Variants in MID2 observed in about 807,000 individuals in gnomAD.
MID2 encodes the protein probable E3 ubiquitin-protein ligase MID2.
MID2 carries 13 observed loss-of-function variants against 46.1 expected under a neutral mutation model. The observed-to-expected ratio is 0.28, with a 90% CI of 0.18 to 0.45. The LOEUF is 0.45. Ranked by LOEUF, MID2 falls within the 20% of genes least tolerant of loss-of-function variation. The pLI is 1.00. For synonymous variants in MID2, 199 were observed against 212.3 expected (o/e 0.94, Z 0.55); for missense variants, 431 against 575.4 (o/e 0.75, Z 2.57).
chrX:107,840,295 A>C (rs1307585049), intron 1 of MID2, among the ~76,000 whole-genome samples: 2 of 112,038 alleles, frequency 1.8e-5, no homozygotes, highest in African/African-American at 6.5e-5. Context: ...ACAATATTGG[A>C]GAATAGAGAT....
rs763648893 is a variant in MID2 at position 107,868,047 on chromosome X, T to C, written c.816+13343T>C. ...GAATTGTTCTAAAATTGGATTGTGG[T>C]AATGGTTACAAAATTCTGTAAATTT... On this transcript the variant is annotated intron_variant, in intron 3 of 9. Transcript: ENST00000262843. Among the ~76,000 whole-genome samples, 4 of 112,189 alleles carry C rather than the reference T, an allele frequency of 3.6e-5. No homozygotes were observed. In the East Asian group the frequency reaches 1.1e-3, roughly 31 times the overall value.
intron 7 of MID2, among the ~76,000 whole-genome samples, chrX:107,920,600 G>T (rs1224698121): frequency 9.0e-6 from 1 of 111,683 alleles, no homozygotes; most frequent in Non-Finnish European, 1.9e-5. Context: ...CAGGTTCAGG[G>T]ATTTCCATAT....
rs1241146959 is a variant in MID2 at position 107,830,631 on chromosome X, A to G, written c.4+4201A>G. Among the ~76,000 whole-genome samples the G allele has an allele frequency of 2.7e-5, 3 of 112,213 alleles. No homozygotes were observed. In the Admixed American group the frequency reaches 2.8e-4, roughly 11 times the overall value. On this transcript the variant is annotated intron_variant, in intron 1 of 9. Coordinates refer to ENST00000262843, the MANE Select transcript of MID2 (RefSeq NM_012216.4). ...GGTACCAAGATGGTGTTGCACTAAC[A>G]TCTGTACTTCAGGTCTCTCAAAAAA...
intron 3 of MID2, among the ~76,000 whole-genome samples, chrX:107,886,240 A>G (rs1347536494): frequency 8.9e-6 from 1 of 111,886 alleles, no homozygotes; most frequent in Non-Finnish European, 1.9e-5. Context: ...TTCTTCTAGG[A>G]GTTTTATGCT....
intron 6 of MID2, among the ~76,000 whole-genome samples, chrX:107,916,431 A>G (rs1456476232): frequency 8.9e-6 from 1 of 112,286 alleles, no homozygotes; most frequent in African/African-American, 3.2e-5. Flanking sequence ...GTTGCTAGTT[A>G]TGAGAGTAGA....
At chrX:107,845,525 A>ACACTCTCTCTCT (rs1276957001) in intron 2 of MID2, among the ~76,000 whole-genome samples, 33 of 72,946 alleles carry the variant, frequency 4.5e-4, no homozygotes, top group African/African-American at 2.3e-3. Context: ...ACACACACAC[A>ACACTCTCTCTCT]CTCTCTCTCT....
chrX:107,892,855 A>G (rs1932633070), intron 3 of MID2, among the ~76,000 whole-genome samples: 2 of 112,238 alleles, frequency 1.8e-5, no homozygotes, highest in African/African-American at 6.5e-5. Flanking sequence ...GCACCCAAAG[A>G]TTATCCTTTT....
chrX:107,841,691 C>A (rs939723181), intron 2 of MID2, among the ~76,000 whole-genome samples: 8 of 112,445 alleles, frequency 7.1e-5, no homozygotes, highest in Admixed American at 6.6e-4. Flanking sequence ...TATTATATAT[C>A]TTTGCTATGA....
intron 3 of MID2, among the ~76,000 whole-genome samples, chrX:107,881,968 A>G (rs1268986804): frequency 8.9e-6 from 1 of 112,454 alleles, no homozygotes; most frequent in Non-Finnish European, 1.9e-5. Flanking sequence ...GCCTCAGCAG[A>G]CAGTAACCAA....
At chrX:107,865,496 G>T (rs747510850) in intron 3 of MID2, among the ~76,000 whole-genome samples, 2 of 112,142 alleles carry the variant, frequency 1.8e-5, no homozygotes, top group South Asian at 3.8e-4. Flanking sequence ...AAGGATATAT[G>T]CCCAGTGAGA....
At chrX:107,874,020 C>T (rs914512120) in intron 3 of MID2, among the ~76,000 whole-genome samples, 3 of 111,667 alleles carry the variant, frequency 2.7e-5, no homozygotes, top group African/African-American at 9.8e-5. Context: ...TAGAGAGACA[C>T]ACTCTCAACA....
intron 1 of MID2, among the ~76,000 whole-genome samples, chrX:107,828,697 A>G (rs1038429019): frequency 8.9e-6 from 1 of 112,349 alleles, no homozygotes; most frequent in Non-Finnish European, 1.9e-5. Flanking sequence ...CAGGTCCAGG[A>G]GTCAAGAAGA....
chrX:107,909,371 T>C lies in MID2; in HGVS notation c.1073+3745T>C, dbSNP rs191002486. Among the ~76,000 whole-genome samples, 488 of 111,742 alleles carry C rather than the reference T, an allele frequency of 4.4e-3. 6 individuals carry two copies. The highest frequency in any genetic ancestry group is 0.015 in the African/African-American group (449 of 30,715). On this transcript the variant is annotated intron_variant, in intron 5 of 9. Transcript: ENST00000262843. The stretch of plus-strand genomic sequence containing the variant: ...GTGAGTACCAGGGATTGTTCCCTCT[T>C]ATCTTTTTGGGTGGCTCTTTCCCCA...
chrX:107,846,118 G>C (rs952266548), intron 2 of MID2, among the ~76,000 whole-genome samples: 1 of 111,028 alleles, frequency 9.0e-6, no homozygotes, highest in African/African-American at 3.3e-5. Flanking sequence ...TGAGTGTAAG[G>C]TAAGCTTTCT....
chrX:107,912,543 T>C (rs1195389585), intron 5 of MID2, among the ~76,000 whole-genome samples: 1 of 112,014 alleles, frequency 8.9e-6, no homozygotes, highest in Non-Finnish European at 1.9e-5. Context: ...CCTGGTTTTC[T>C]TCCTACTTTG....
At chrX:107,858,312 A>G (rs1448254937) in intron 3 of MID2, among the ~76,000 whole-genome samples, 1 of 111,975 alleles carries the variant, frequency 8.9e-6, no homozygotes, top group Non-Finnish European at 1.9e-5. Flanking sequence ...TGCTATGATA[A>G]CCACTTGATC....
At chrX:107,907,153 G>C (rs1932842986) in intron 5 of MID2, among the ~76,000 whole-genome samples, 1 of 111,926 alleles carries the variant, frequency 8.9e-6, no homozygotes, top group African/African-American at 3.2e-5. Flanking sequence ...TTGAGTTGCA[G>C]CACCCTACTG....
At chrX:107,906,739 C>T (rs1196741308) in intron 5 of MID2, among the ~76,000 whole-genome samples, 1 of 111,464 alleles carries the variant, frequency 9.0e-6, no homozygotes, top group African/African-American at 3.3e-5. Flanking sequence ...GCATGCACCA[C>T]CATGCCTGGC....
In MID2 at chrX:107,927,376, G is replaced by T. The variant is rs1160372191; in HGVS notation, c.*303G>T. On this transcript the variant is annotated 3_prime_UTR_variant, in exon 10 of 10. Transcript: ENST00000262843. Reference sequence around the variant, plus strand: ...TGATTTAAGAATATAAATTATATTGGAAGCAATTAGGGTAATTCTAGTTAA... The same window carrying T: ...TGATTTAAGAATATAAATTATATTGTAAGCAATTAGGGTAATTCTAGTTAA... Among the ~76,000 whole-genome samples the T allele has an allele frequency of 1.8e-5, 2 of 111,613 alleles. No individual in the cohort carries two copies. The highest frequency in any genetic ancestry group is 5.6e-4 in the East Asian group (2 of 3,555).
Sources: allele counts gnomAD v4.1 joint callset (sites outside exome capture counted in the v4.1 genomes callset), GRCh38; gene constraint gnomAD v4.1.1; transcripts MANE v1.5; gene names NCBI Gene and HGNC (gene_info 2026-07-23, HGNC 2026-07-21).